NRG3: variants seen among roughly 807,000 people sequenced by gnomAD.
NRG3 encodes the protein neuregulin 3.
NRG3 carries 31 observed loss-of-function variants against 66.9 expected under a neutral mutation model. The observed-to-expected ratio is 0.46, with a 90% CI of 0.35 to 0.63. The LOEUF (loss-of-function observed/expected upper bound fraction) is 0.63. NRG3 is among the 20% of genes least tolerant of loss of function. The pLI is 0.00. For synonymous variants in NRG3, 393 were observed against 359.4 expected (o/e 1.09, Z -1.06); for missense variants, 910 against 878.9 (o/e 1.04, Z -0.45).
chr10:82,921,023 G>C (rs1380711203), intron 4 of NRG3, among the ~76,000 whole-genome samples: 2 of 151,782 alleles, frequency 1.3e-5, no homozygotes, highest in Non-Finnish European at 2.9e-5. Flanking sequence ...GCTACACATA[G>C]TGACTTTTCT....
At chr10:82,242,671 T>C (rs1177489134) in intron 1 of NRG3, among the ~76,000 whole-genome samples, 1 of 152,184 alleles carries the variant, frequency 6.6e-6, no homozygotes, top group African/African-American at 2.4e-5. Context: ...AAGAAGACTT[T>C]GGAATTCTTG....
intron 6 of NRG3, among the ~76,000 whole-genome samples, chr10:82,962,735 A>C (rs1850785514): frequency 6.6e-6 from 1 of 152,008 alleles, no homozygotes; most frequent in Non-Finnish European, 1.5e-5. Flanking sequence ...GCTACTCGGG[A>C]GGTTGAGGTG....
At chr10:82,399,128 A>C (rs191405318) in intron 2 of NRG3, among the ~76,000 whole-genome samples, 24 of 152,332 alleles carry the variant, frequency 1.6e-4, no homozygotes, top group Admixed American at 1.4e-3. Flanking sequence ...CTTTTTAGTT[A>C]AATTAGAATC....
At chr10:82,960,612 G>A (rs571066728) in intron 6 of NRG3, among the ~76,000 whole-genome samples, 2 of 152,040 alleles carry the variant, frequency 1.3e-5, no homozygotes, top group South Asian at 2.1e-4. Context: ...CCAGATGGCC[G>A]GTTCCTGCCT....
intron 2 of NRG3, among the ~76,000 whole-genome samples, chr10:82,486,510 G>A (rs1842690475): frequency 6.6e-6 from 1 of 152,050 alleles, no homozygotes; most frequent in Non-Finnish European, 1.5e-5. Flanking sequence ...TGTCTCCCGG[G>A]TTGAAGCAAT....
chr10:82,701,997 C>T (rs2055918139), intron 2 of NRG3, among the ~76,000 whole-genome samples: 1 of 152,148 alleles, frequency 6.6e-6, no homozygotes, highest in South Asian at 2.1e-4. Context: ...CTGATCTTTT[C>T]ACCAGCATGG....
At chr10:82,476,321 A>G (rs1460513246) in intron 2 of NRG3, among the ~76,000 whole-genome samples, 11 of 152,220 alleles carry the variant, frequency 7.2e-5, no homozygotes, top group Non-Finnish European at 1.5e-5. Context: ...TTAAAAATAA[A>G]ACTACTTTAT....
chr10:82,718,452 A>G (rs1057501401), intron 2 of NRG3, among the ~76,000 whole-genome samples: 3 of 152,204 alleles, frequency 2.0e-5, no homozygotes, highest in African/African-American at 7.2e-5. Flanking sequence ...TAAAAGTTCT[A>G]CTATATAAAT....
At chr10:82,499,134 A>G (rs1843905334) in intron 2 of NRG3, among the ~76,000 whole-genome samples, 2 of 152,196 alleles carry the variant, frequency 1.3e-5, no homozygotes, top group Non-Finnish European at 2.9e-5. Context: ...ACAAGTGAGG[A>G]GTACTGAATT....
intron 1 of NRG3, among the ~76,000 whole-genome samples, chr10:82,309,917 C>T (rs1318455777): frequency 6.6e-6 from 1 of 152,170 alleles, no homozygotes; most frequent in Non-Finnish European, 1.5e-5. Flanking sequence ...ATGGCAACAT[C>T]AGCTTCAACC....
At chr10:82,116,493 G>A (rs371251976) in intron 1 of NRG3, among the ~76,000 whole-genome samples, 13 of 152,170 alleles carry the variant, frequency 8.5e-5, no homozygotes, top group African/African-American at 2.9e-4. Flanking sequence ...TTTACTTAGG[G>A]TGAGGGTTAT....
intron 1 of NRG3, among the ~76,000 whole-genome samples, chr10:82,114,802 A>G (rs1311158419): frequency 1.3e-5 from 2 of 152,076 alleles, no homozygotes; most frequent in Non-Finnish European, 2.9e-5. Flanking sequence ...TTTTTGGAAT[A>G]TTGGCTGTGG....
At chr10:82,738,482 C>A in intron 2 of NRG3, 95 bp from the exon 3 acceptor site, 1 of 957,004 alleles carries the variant, frequency 1.0e-6, no homozygotes, top group Non-Finnish European at 1.7e-6. Context: ...ATGTACTGTT[C>A]TCACATTTAT....
intron 1 of NRG3, among the ~76,000 whole-genome samples, chr10:82,087,516 A>C (rs11192443): frequency 0.25 from 38,564 of 151,886 alleles, 5,330 homozygotes; most frequent in African/African-American, 0.36. Flanking sequence ...GTTACAGTCC[A>C]CCCAACAGTA....
intron 3 of NRG3, among the ~76,000 whole-genome samples, chr10:82,841,909 G>C (rs190554757): frequency 1.3e-5 from 2 of 152,078 alleles, no homozygotes; most frequent in Non-Finnish European, 2.9e-5. Flanking sequence ...TGTGTCTATT[G>C]GTGTGGATGG....
intron 2 of NRG3, among the ~76,000 whole-genome samples, chr10:82,668,598 A>G (rs1409467976): frequency 1.3e-5 from 2 of 152,166 alleles, no homozygotes; most frequent in Non-Finnish European, 2.9e-5. Flanking sequence ...ATTATTAGGA[A>G]TGGCCAGAGC....
chr10:82,453,654 C>G (rs1182527991), intron 2 of NRG3, among the ~76,000 whole-genome samples: 1 of 149,614 alleles, frequency 6.7e-6, no homozygotes, highest in African/African-American at 2.5e-5. Context: ...GAAGATCATG[C>G]ACAGGTTAAA....
At chr10:82,364,328 G>C (rs1303453770) in intron 2 of NRG3, among the ~76,000 whole-genome samples, 1 of 151,908 alleles carries the variant, frequency 6.6e-6, no homozygotes, top group Non-Finnish European at 1.5e-5. Context: ...TTTTCATGTT[G>C]AAATCATGTT....
intron 2 of NRG3, among the ~76,000 whole-genome samples, chr10:82,416,980 T>C (rs988298911): frequency 6.6e-6 from 1 of 152,114 alleles, no homozygotes; most frequent in Admixed American, 6.5e-5. Flanking sequence ...CCCAACACTG[T>C]GGTTATCAAT....
Sources: allele counts gnomAD v4.1 joint callset (sites outside exome capture counted in the v4.1 genomes callset), GRCh38; gene constraint gnomAD v4.1.1; transcripts MANE v1.5; gene names NCBI Gene and HGNC (gene_info 2026-07-23, HGNC 2026-07-21).